PTTG1IP2: variants seen among roughly 807,000 people sequenced by gnomAD.
The protein encoded by PTTG1IP2 is PTTG1IP family member 2.
intron 6 of PTTG1IP2, among the ~76,000 whole-genome samples, chr7:90,511,372 T>C (rs572476683): frequency 6.6e-6 from 1 of 152,340 alleles, no homozygotes; most frequent in South Asian, 2.1e-4. Flanking sequence ...CTTTATTCCC[T>C]TTTTAGCCAT....
intron 1 of PTTG1IP2, among the ~76,000 whole-genome samples, chr7:90,470,963 C>CA (rs5885726): frequency 1.4e-3 from 147 of 108,112 alleles, no homozygotes; most frequent in South Asian, 0.013. Context: ...TGATGAAGAA[C>CA]AAAAAAAAAA....
chr7:90,473,606 T>C (rs1797714388), intron 1 of PTTG1IP2, among the ~76,000 whole-genome samples: 1 of 152,228 alleles, frequency 6.6e-6, no homozygotes, highest in Admixed American at 6.5e-5. Context: ...GATTTGACAT[T>C]ATACTGAATT....
At chr7:90,493,434 G>T (rs767709830) in intron 5 of PTTG1IP2, among the ~76,000 whole-genome samples, 11 of 152,192 alleles carry the variant, frequency 7.2e-5, no homozygotes, top group African/African-American at 1.9e-4. Flanking sequence ...TCTTCCGAAG[G>T]TTGAAATCAA....
chr7:90,474,160 T>C (rs1216450459), intron 1 of PTTG1IP2, among the ~76,000 whole-genome samples: 2 of 152,234 alleles, frequency 1.3e-5, no homozygotes, highest in African/African-American at 4.8e-5. Flanking sequence ...CTATGCAGCA[T>C]GTTACTATGC....
intron 2 of PTTG1IP2, among the ~76,000 whole-genome samples, chr7:90,481,865 A>G (rs1797818859): frequency 6.6e-6 from 1 of 152,166 alleles, no homozygotes. Flanking sequence ...TTCAATAACT[A>G]TTGAATTAAC....
At chr7:90,505,444 C>A (rs563792468) in intron 6 of PTTG1IP2, among the ~76,000 whole-genome samples, 2 of 152,142 alleles carry the variant, frequency 1.3e-5, no homozygotes, top group Admixed American at 6.5e-5. Context: ...TAAAGAGAAG[C>A]CTTTATGTGT....
chr7:90,507,409 A>T (rs551949328), intron 6 of PTTG1IP2, among the ~76,000 whole-genome samples: 21 of 152,146 alleles, frequency 1.4e-4, no homozygotes, highest in African/African-American at 5.1e-4. Context: ...TAGCTGTGAA[A>T]CCTAAGGTAA....
chr7:90,506,112 T>TTAG (rs1478279327), intron 6 of PTTG1IP2, among the ~76,000 whole-genome samples: 1 of 152,066 alleles, frequency 6.6e-6, no homozygotes, highest in Non-Finnish European at 1.5e-5. Flanking sequence ...GTATCTCTAG[T>TTAG]TTTACTGAGT....
chr7:90,480,722 G>C (rs1443522638), intron 2 of PTTG1IP2, among the ~76,000 whole-genome samples: 2 of 152,074 alleles, frequency 1.3e-5, no homozygotes, highest in Non-Finnish European at 2.9e-5. Flanking sequence ...TTGTTTGTTT[G>C]TTTGAATCAC....
chr7:90,501,358 AC>A (rs1798059096), intron 6 of PTTG1IP2, among the ~76,000 whole-genome samples: 1 of 152,218 alleles, frequency 6.6e-6, no homozygotes, highest in African/African-American at 2.4e-5. Context: ...TGTCTAAAAA[AC>A]AACATACATA....
chr7:90,505,611 G>A (rs1798114761), intron 6 of PTTG1IP2, among the ~76,000 whole-genome samples: 1 of 152,150 alleles, frequency 6.6e-6, no homozygotes, highest in Non-Finnish European at 1.5e-5. Context: ...ATGAGTGGCA[G>A]AATGACAATA....
At chr7:90,511,517 A>G (rs902787121) in intron 6 of PTTG1IP2, among the ~76,000 whole-genome samples, 1 of 152,058 alleles carries the variant, frequency 6.6e-6, no homozygotes, top group African/African-American at 2.4e-5. Flanking sequence ...TGGTCTCACC[A>G]TTTTCTTTCT....
At chr7:90,476,319 T>C (rs1394107947) in intron 1 of PTTG1IP2, among the ~76,000 whole-genome samples, 2 of 152,170 alleles carry the variant, frequency 1.3e-5, no homozygotes, top group Non-Finnish European at 2.9e-5. Context: ...GAAATCCATA[T>C]GACACAGAAA....
intron 4 of PTTG1IP2, among the ~76,000 whole-genome samples, chr7:90,490,644 A>T (rs1358028261): frequency 6.6e-6 from 1 of 152,164 alleles, no homozygotes; most frequent in African/African-American, 2.4e-5. Flanking sequence ...CAGAAAGAAG[A>T]ACCAATAGGG....
In PTTG1IP2 at chr7:90,472,406, C is replaced by T. The variant is rs80046901; in HGVS notation, c.145+2475C>T. On this transcript the variant is annotated intron_variant, in intron 1 of 6. Coordinates refer to ENST00000509356, the MANE Select transcript of PTTG1IP2 (RefSeq NM_001365443.2). ...TGCTTTGAGCTAGAGAACAATCAAA[C>T]GAGAAATATTCAGTGAAACAAGCCT... Among the ~76,000 whole-genome samples the T allele has an allele frequency of 5.3e-5, 8 of 151,498 alleles. No individual in the cohort carries two copies. In the East Asian group the frequency reaches 7.7e-4, roughly 15 times the overall value.
At chr7:90,472,314 ACACACACC>A (rs1348995420) in intron 1 of PTTG1IP2, among the ~76,000 whole-genome samples, 1,655 of 96,790 alleles carry the variant, frequency 0.017, 37 homozygotes, top group African/African-American at 0.054. Context: ...ACACACACAC[ACACACACC>A]CCAAATAATC....
chr7:90,470,529 A>G (rs1022585326), intron 1 of PTTG1IP2, among the ~76,000 whole-genome samples: 2 of 152,230 alleles, frequency 1.3e-5, no homozygotes, highest in African/African-American at 2.4e-5. Flanking sequence ...TAAAGCCAAG[A>G]TTGCCATTTT....
At chr7:90,496,050 A>T (rs770839287) in intron 6 of PTTG1IP2, among the ~76,000 whole-genome samples, 1 of 152,156 alleles carries the variant, frequency 6.6e-6, no homozygotes, top group Non-Finnish European at 1.5e-5. Flanking sequence ...TGCTGAATTC[A>T]GTTTACTGGT....
At chr7:90,497,970 T>C (rs1798015827) in intron 6 of PTTG1IP2, among the ~76,000 whole-genome samples, 1 of 152,100 alleles carries the variant, frequency 6.6e-6, no homozygotes, top group Non-Finnish European at 1.5e-5. Flanking sequence ...TTAATATTCA[T>C]ATATTTTGTT....
Sources: allele counts gnomAD v4.1 joint callset (sites outside exome capture counted in the v4.1 genomes callset), GRCh38; gene constraint gnomAD v4.1.1; transcripts MANE v1.5; gene names NCBI Gene and HGNC (gene_info 2026-07-23, HGNC 2026-07-21).